MIGA2: variants seen among roughly 807,000 people sequenced by gnomAD.
MIGA2 encodes family with sequence similarity 73, member B.
MIGA2 carries 36 observed loss-of-function variants against 69.9 expected under a neutral mutation model. The ratio of observed to expected loss-of-function variants is 0.52; its 90% CI spans 0.39 to 0.68. The LOEUF (loss-of-function observed/expected upper bound fraction) is 0.68, where lower values mean the gene tolerates loss of function less well. MIGA2 is among the 30% of genes least tolerant of loss of function. The pLI is 0.00. For synonymous variants in MIGA2, 333 were observed against 349.2 expected, an observed-to-expected ratio of 0.95 and a Z score of 0.52; for missense variants, 660 against 787.7, an observed-to-expected ratio of 0.84 and a Z score of 1.94.
chr9:129,052,983 G>T (rs1250270761), intron 6 of MIGA2, among the ~76,000 whole-genome samples: 6 of 152,156 alleles, frequency 3.9e-5, no homozygotes, highest in Non-Finnish European at 8.8e-5. Flanking sequence ...TGTATTTCTT[G>T]CTAAAAACTA....
At chr9:129,056,501 A>G (rs942192325) in intron 6 of MIGA2, among the ~76,000 whole-genome samples, 2 of 152,062 alleles carry the variant, frequency 1.3e-5, no homozygotes, top group South Asian at 2.1e-4. Flanking sequence ...AGCTTTTAGA[A>G]TAAATACTGT....
In MIGA2 at chr9:129,068,811, G is replaced by C; in HGVS notation, c.1405-265G>C. ...GCTCCCACAACCACCAAAGGAGGTG[G>C]GAGTGCTGTGTTGTGCCCCTTTACA... On this transcript the variant is annotated intron_variant, in intron 13 of 15. Coordinates refer to ENST00000684074, the MANE Select transcript of MIGA2 (RefSeq NM_001329990.2). The surrounding 1 kb of genome is among the most constrained non-coding windows in gnomAD (Gnocchi z 4.1). 1.9e-6 allele frequency: 1 copy of C among 523,744 alleles called. No individual in the cohort carries two copies. The allele number at this position is 523,744 out of a possible 1,614,324, so 32.4% of individuals were successfully genotyped here.
chr9:129,064,161 G>C (rs557154486), intron 11 of MIGA2, among the ~76,000 whole-genome samples: 1 of 152,068 alleles, frequency 6.6e-6, no homozygotes, highest in Admixed American at 6.5e-5. Flanking sequence ...GTGTTTCCTT[G>C]CATCTCTGAT....
At chr9:129,036,983 G>T in intron 1 of MIGA2, 1 of 1,003,002 alleles carries the variant, frequency 1.0e-6, no homozygotes, top group South Asian at 4.7e-5. Flanking sequence ...AGGAGCAGGC[G>T]TGCGGGCCGT....
chr9:129,067,917 T>C, intron 12 of MIGA2, 46 bp downstream of exon 12: 1 of 1,572,520 alleles, frequency 6.4e-7, no homozygotes, highest in East Asian at 2.3e-5. Flanking sequence ...CTCCCCTGCA[T>C]CTGAGCAGCA....
chr9:129,043,884 T>G (rs1845060286), intron 3 of MIGA2, among the ~76,000 whole-genome samples: 2 of 151,572 alleles, frequency 1.3e-5, no homozygotes, highest in Non-Finnish European at 2.9e-5. Flanking sequence ...GTATTTTTAG[T>G]AGAGACAGGG....
At chr9:129,063,655 G>GGGGGCCCC in intron 11 of MIGA2, 24 bp downstream of exon 11, 1 of 645,740 alleles carries the variant, frequency 1.5e-6, no homozygotes, top group Non-Finnish European at 2.9e-6. Context: ...GGGTGGGGGG[G>GGGGGCCCC]CAAATTATAA....
chr9:129,068,249 G>A lies in MIGA2; in HGVS notation c.1321G>A (p.Ala441Thr), dbSNP rs745388147. The change falls in exon 13 of 16, where the codon GCC (alanine) becomes ACC (threonine). Residue 441 changes from alanine (A) to threonine (T), a missense_variant. Transcript: ENST00000684074. The surrounding 1 kb of genome is among the most constrained non-coding windows in gnomAD (Gnocchi z 4.1). ...DIVLDFILMD[A>T]FEDLENPPAS... ...CGTGCTGGACTTCATCCTCATGGAC[G>A]CCTTCGAGGACCTGGAGAACCCTCC... 1.4e-5 allele frequency: 22 copies of A among 1,613,462 alleles called. No individual in the cohort carries two copies. Among genetic ancestry groups the A allele is most frequent in the Admixed American group, 1.2e-4 (7 of 59,996 alleles).
In MIGA2 at chr9:129,060,602, C is replaced by T. The variant is rs1168497835; in HGVS notation, c.846C>T (p.Asp282=). ...LTEGSLRLRA[D]DEDSLTSEDS... is the part of the protein sequence containing the mutation. ...AGGGCTCGCTGCGGCTGCGGGCGGACGATGAGGACAGCCTGACTTCAGAGG... is the reference window on the plus strand; with the variant it reads ...AGGGCTCGCTGCGGCTGCGGGCGGATGATGAGGACAGCCTGACTTCAGAGG... The change falls in exon 8 of 16, where the codon GAC becomes GAT. Residue 282 remains aspartate, a synonymous_variant. Coordinates refer to ENST00000684074, the MANE Select transcript of MIGA2 (RefSeq NM_001329990.2). This position sits in a 1 kb window ranked among gnomAD's most constrained non-coding sequence, Gnocchi z 4.8. The T allele has an allele frequency of 9.3e-6, 15 of 1,605,824 alleles. No individual in the cohort carries two copies. The highest frequency in any genetic ancestry group is 8.4e-5 in the Admixed American group (5 of 59,180).
Position 129,068,617 on chromosome 9 carries a change from G to C in MIGA2, c.1404+285G>C. ...ATTCGATTCCATTTTAATGCATCCT[G>C]TTAAATCAAGTTAAAAGAGGGGAAA... On this transcript the variant is annotated intron_variant, in intron 13 of 15. Transcript: ENST00000684074. This position sits in a 1 kb window ranked among gnomAD's most constrained non-coding sequence, Gnocchi z 4.1. 1 of 456,190 alleles carries C rather than the reference G, an allele frequency of 2.2e-6. No individual in the cohort carries two copies. The allele number at this position is 456,190 out of a possible 1,614,324, so 28.3% of individuals were successfully genotyped here. A position where few individuals can be genotyped will look rare whatever the true frequency, so the allele number is the denominator to read the frequency against.
intron 15 of MIGA2, 76 bp downstream of exon 15, chr9:129,070,041 G>C: frequency 7.4e-7 from 1 of 1,345,848 alleles, no homozygotes; most frequent in Non-Finnish European, 1.0e-6. Context: ...CCAGGAATGG[G>C]ATGAGGGCCT....
At chr9:129,042,146 TTCCCCG>T (rs1054608789) in intron 2 of MIGA2, 152 bp from the exon 3 acceptor site, 33 of 669,206 alleles carry the variant, frequency 4.9e-5, no homozygotes, top group Admixed American at 4.4e-4. Flanking sequence ...GCTGGTCAAC[TTCCCCG>T]TCTAGGGTGG....
At chr9:129,058,125 G>A (rs114272742) in intron 6 of MIGA2, among the ~76,000 whole-genome samples, 4,886 of 151,964 alleles carry the variant, frequency 0.032, 184 homozygotes, top group South Asian at 0.099. Context: ...GGCTGGGCAC[G>A]GTGGCTCACA....
Position 129,049,810 on chromosome 9 carries a change from G to C in MIGA2, c.539-17G>C, listed in dbSNP as rs774273015. 4 of 1,613,734 alleles carry C rather than the reference G, an allele frequency of 2.5e-6. No individual in the cohort carries two copies. In the South Asian group the frequency reaches 4.4e-5, roughly 18 times the overall value. On this transcript the variant is annotated splice_polypyrimidine_tract_variant and intron_variant, in intron 5 of 15. Transcript: ENST00000684074. The stretch of plus-strand genomic sequence containing the variant: ...GTGGAGGTGCTGACCCACGCTTTTC[G>C]CCTCACCTGTGCTCAGGCATGGAGC...
chr9:129,061,370 G>A lies in MIGA2; in HGVS notation c.1010+24G>A. ...AGGTGAGCAGGTGTGGAGGGAGGGAGGGAGGGAGCAGGAGGCGATGGGTGA... is the reference window on the plus strand; with the variant it reads ...AGGTGAGCAGGTGTGGAGGGAGGGAAGGAGGGAGCAGGAGGCGATGGGTGA... On this transcript the variant is annotated intron_variant, in intron 9 of 15. Transcript: ENST00000684074. This position sits in a 1 kb window ranked among gnomAD's most constrained non-coding sequence, Gnocchi z 5.0. 2 of 1,534,568 alleles carry A rather than the reference G, an allele frequency of 1.3e-6. No individual in the cohort carries two copies. Among genetic ancestry groups the A allele is most frequent in the Non-Finnish European group, 1.8e-6 (2 of 1,116,402 alleles).
Position 129,040,646 on chromosome 9 carries a change from A to C in MIGA2, c.52A>C (p.Thr18Pro). 6.2e-7 allele frequency: 1 copy of C among 1,613,818 alleles called. No individual in the cohort carries two copies. The highest frequency in any genetic ancestry group is 1.1e-5 in the South Asian group (1 of 91,044). The change falls in exon 2 of 16, where the codon ACG becomes CCG. Residue 18 changes from threonine (T) to proline (P), a missense_variant. Transcript: ENST00000684074. ...GTCTATGATCCAGGCCCTGGCCATG[A>C]CGGTGGCCGAGATCCCCGTGTTCCT... ...GTSMIQALAM[T>P]VAEIPVFLYT...
In MIGA2 at chr9:129,072,071, G is replaced by A. The variant is rs1008620484; in HGVS notation, c.*1618G>A. 6.6e-6 allele frequency: 1 copy of A among 152,596 alleles called. No individual in the cohort carries two copies. Among genetic ancestry groups the A allele is most frequent in the South Asian group, 2.1e-4 (1 of 4,834 alleles). 9.5% of individuals were successfully genotyped at this position (152,596 alleles called of 1,614,324 possible). A position where few individuals can be genotyped will look rare whatever the true frequency, so the allele number is the denominator to read the frequency against. ...TGTGAGTCGAATAAACAATTGAGACGATTTCCTTCCACTTTGCCATGTTGT... is the reference window on the plus strand; with the variant it reads ...TGTGAGTCGAATAAACAATTGAGACAATTTCCTTCCACTTTGCCATGTTGT... On this transcript the variant is annotated 3_prime_UTR_variant, in exon 16 of 16. Coordinates refer to ENST00000684074, the MANE Select transcript of MIGA2 (RefSeq NM_001329990.2).
In MIGA2 at chr9:129,069,748, T is replaced by C. The variant is rs774939803; in HGVS notation, c.1459-101T>C. The C allele has an allele frequency of 1.2e-6, 1 of 822,304 alleles. No homozygotes were observed. Among genetic ancestry groups the C allele is most frequent in the South Asian group, 1.3e-5 (1 of 75,056 alleles). The allele number at this position is 822,304 out of a possible 1,614,324, so 50.9% of individuals were successfully genotyped here. ...TCATCTAGCAGGAAAGTACATGAGC[T>C]GGGGCGACCTCTAAAGCCCAGCCCT... is the stretch of plus-strand genomic sequence containing the variant. On this transcript the variant is annotated intron_variant, in intron 14 of 15. Coordinates refer to ENST00000684074, the MANE Select transcript of MIGA2 (RefSeq NM_001329990.2). The surrounding 1 kb of genome is among the most constrained non-coding windows in gnomAD (Gnocchi z 4.9).
Position 129,060,421 on chromosome 9 carries a change from T to G in MIGA2, c.794-129T>G. On this transcript the variant is annotated intron_variant, in intron 7 of 15. Coordinates refer to ENST00000684074, the MANE Select transcript of MIGA2 (RefSeq NM_001329990.2). This position sits in a 1 kb window ranked among gnomAD's most constrained non-coding sequence, Gnocchi z 4.8. ...CGCTTGGCACGTCAGAGCTTTGCCA[T>G]TGAGTGTGGGAATCACAGGCTCGGG... is the stretch of plus-strand genomic sequence containing the variant. 4.2e-6 allele frequency: 3 copies of G among 720,674 alleles called. No individual in the cohort carries two copies. The highest frequency in any genetic ancestry group is 5.7e-5 in the East Asian group (2 of 35,248). 44.6% of individuals were successfully genotyped at this position (720,674 alleles called of 1,614,324 possible). A position where few individuals can be genotyped will look rare whatever the true frequency, so the allele number is the denominator to read the frequency against.
Sources: gnomAD v4.1 joint callset for allele counts (sites outside exome capture counted in the v4.1 genomes callset) on GRCh38, gnomAD v4.1.1 for gene constraint, Gnocchi (gnomAD v3.1) non-coding constraint, MANE v1.5 for transcripts, NCBI Gene and HGNC (gene_info 2026-07-23, HGNC 2026-07-21) for gene names.